The following VRK2 variants were observed in gnomAD, a reference collection of about 807,000 sequenced individuals.
VRK2 encodes serine/threonine-protein kinase VRK2.
VRK2 carries 60 observed loss-of-function variants against 57.6 expected under a neutral mutation model. The observed-to-expected ratio is 1.04, with a 90% CI of 0.85 to 1.29. The LOEUF (loss-of-function observed/expected upper bound fraction) is 1.29, where lower values mean the gene tolerates loss of function less well. VRK2 is among the 50% of genes most tolerant of loss of function. The pLI is 0.00. For synonymous variants in VRK2, 231 were observed against 199.2 expected (o/e 1.16, Z -1.35); for missense variants, 705 against 588.1 (o/e 1.20, Z -2.06).
At chr2:58,076,707 T>A (rs1365842489) in intron 2 of VRK2, among the ~76,000 whole-genome samples, 1 of 151,926 alleles carries the variant, frequency 6.6e-6, no homozygotes, top group Non-Finnish European at 1.5e-5. Flanking sequence ...TTATCATTAG[T>A]TTTTTTCAAA....
chr2:57,937,894 T>C (rs964807550), intron 1 of VRK2, among the ~76,000 whole-genome samples: 2 of 146,626 alleles, frequency 1.4e-5, no homozygotes, highest in Admixed American at 7.1e-5. Context: ...TGCAATGGCA[T>C]GATCTCGGCT....
chr2:58,086,601 A>G (rs563577488), intron 5 of VRK2, among the ~76,000 whole-genome samples, 175 bp downstream of exon 5: 3 of 152,298 alleles, frequency 2.0e-5, no homozygotes, highest in Non-Finnish European at 4.4e-5. Context: ...GTATGATTCT[A>G]GATCAGGATC....
chr2:57,952,900 C>A (rs961669662), intron 1 of VRK2, among the ~76,000 whole-genome samples: 3 of 152,126 alleles, frequency 2.0e-5, no homozygotes, highest in African/African-American at 7.2e-5. Flanking sequence ...CTTTTTCTGA[C>A]AACCTGGGCC....
chr2:58,082,424 A>C (rs1026929001), intron 2 of VRK2, among the ~76,000 whole-genome samples: 3 of 151,862 alleles, frequency 2.0e-5, no homozygotes, highest in African/African-American at 7.2e-5. Context: ...AAAACTTTCT[A>C]CTGACATCTA....
At chr2:57,956,052 C>T (rs918825675) in intron 1 of VRK2, among the ~76,000 whole-genome samples, 18 of 152,086 alleles carry the variant, frequency 1.2e-4, no homozygotes, top group African/African-American at 3.9e-4. Context: ...ATATGTTCAA[C>T]GTATAACAAT....
chr2:58,076,478 A>T (rs1323861742), intron 2 of VRK2, among the ~76,000 whole-genome samples: 1 of 152,078 alleles, frequency 6.6e-6, no homozygotes, highest in Non-Finnish European at 1.5e-5. Context: ...TATGATTTCT[A>T]CTGAATGCAC....
At chr2:58,072,417 T>G (rs1008817851) in intron 2 of VRK2, among the ~76,000 whole-genome samples, 20 of 151,988 alleles carry the variant, frequency 1.3e-4, no homozygotes, top group Non-Finnish European at 2.5e-4. Flanking sequence ...TTTGTAGATT[T>G]TTTTTATCGA....
intron 2 of VRK2, among the ~76,000 whole-genome samples, chr2:58,049,246 G>T (rs532723544): frequency 6.4e-4 from 97 of 151,616 alleles, no homozygotes; most frequent in African/African-American, 2.2e-3. Flanking sequence ...TTTTTTTTGA[G>T]AGCTTGTTTT....
At chr2:58,154,791 A>G (rs766136493) in intron 12 of VRK2, 3 of 716,968 alleles carry the variant, frequency 4.2e-6, no homozygotes, top group Non-Finnish European at 7.8e-6. Flanking sequence ...TGAACCCACT[A>G]TTTTTTCTAA....
intron 1 of VRK2, among the ~76,000 whole-genome samples, chr2:58,000,303 G>C (rs928932471): frequency 1.3e-5 from 2 of 152,036 alleles, no homozygotes; most frequent in Non-Finnish European, 2.9e-5. Flanking sequence ...TAAGGTAACT[G>C]GGTTTTTTAA....
At chr2:58,058,222 T>A in intron 2 of VRK2, 1 of 380,780 alleles carries the variant, frequency 2.6e-6, no homozygotes, top group South Asian at 2.0e-5. Flanking sequence ...ACCCTAAATT[T>A]AATCAGCTGG....
chr2:57,909,004 T>C (rs761107013), intron 1 of VRK2, among the ~76,000 whole-genome samples: 1 of 152,184 alleles, frequency 6.6e-6, no homozygotes, highest in Non-Finnish European at 1.5e-5. Flanking sequence ...ATATACCAAA[T>C]AAGGCAACTG....
At chr2:58,106,691 A>G (rs1674804061) in intron 7 of VRK2, among the ~76,000 whole-genome samples, 1 of 152,084 alleles carries the variant, frequency 6.6e-6, no homozygotes, top group Admixed American at 6.6e-5. Flanking sequence ...GGAGGAAAAA[A>G]TGATCCAACA....
intron 11 of VRK2, 31 bp from the exon 12 acceptor site, chr2:58,146,285 T>A: frequency 6.5e-7 from 1 of 1,538,544 alleles, no homozygotes; most frequent in Middle Eastern, 1.7e-4. Context: ...AAAGTTTTCA[T>A]TATATATTAT....
At position 57,932,517 on chromosome 2, in the gene VRK2, A is replaced by C. The variant is rs1411994394; in HGVS notation, c.-439+24678A>C. ...ATGCGAAGGAGTTTCTTATGACTGA[A>C]TTTCTGTGGAATCAGCTATAACATC... On this transcript the variant is annotated intron_variant, in intron 1 of 15. Coordinates refer to the VRK2 transcript ENST00000417641. Among the ~76,000 whole-genome samples the C allele has an allele frequency of 4.6e-5, 7 of 152,118 alleles. No individual in the cohort carries two copies. The East Asian group carries it at 1.3e-3, about 29-fold the overall frequency.
intron 1 of VRK2, among the ~76,000 whole-genome samples, chr2:57,986,941 T>A (rs1003164931): frequency 2.0e-5 from 3 of 152,144 alleles, no homozygotes; most frequent in African/African-American, 7.2e-5. Context: ...AATGCAAAAC[T>A]AATTGTTAGA....
At chr2:57,957,583 T>C (rs1435701387) in intron 1 of VRK2, among the ~76,000 whole-genome samples, 1 of 148,316 alleles carries the variant, frequency 6.7e-6, no homozygotes, top group East Asian at 1.9e-4. Context: ...TACTTATATA[T>C]ATTTAAAACT....
chr2:58,150,525 G>A (rs1234682628), intron 12 of VRK2, among the ~76,000 whole-genome samples: 2 of 128,830 alleles, frequency 1.6e-5, no homozygotes, highest in African/African-American at 5.7e-5. Flanking sequence ...CATTTTCATT[G>A]ATCTTCTCAA....
intron 1 of VRK2, among the ~76,000 whole-genome samples, chr2:58,002,754 G>T (rs1673128848): frequency 6.6e-6 from 1 of 152,134 alleles, no homozygotes; most frequent in South Asian, 2.1e-4. Flanking sequence ...TTCAACAGGT[G>T]TTTTACAATA....
Sources: allele counts gnomAD v4.1 joint callset (sites outside exome capture counted in the v4.1 genomes callset), GRCh38; gene constraint gnomAD v4.1.1; transcripts MANE v1.5; gene names NCBI Gene and HGNC (gene_info 2026-07-23, HGNC 2026-07-21).